Variants in ANKRD24 observed in about 807,000 individuals in gnomAD.
ANKRD24 encodes the protein ankyrin repeat domain 24.
Under a neutral mutation model 127.8 loss-of-function variants are expected in ANKRD24, and 109 were observed. The observed-to-expected ratio is 0.85, with a 90% CI of 0.73 to 1.00. The LOEUF (loss-of-function observed/expected upper bound fraction) is 1.00, where lower values mean the gene tolerates loss of function less well. Among genes scored for constraint, ANKRD24 ranks in the 50% least tolerant of loss-of-function variants. The probability of loss-of-function intolerance (pLI) is 0.00; values close to 1 mark genes in which losing one functional copy is unlikely to be tolerated. For missense variants in ANKRD24, 1,648 were observed against 1,570.2 expected (o/e 1.05, Z -0.84); for synonymous variants, 743 against 671.1 (o/e 1.11, Z -1.66).
chr19:4,204,261 C>T (rs1195975399), intron 7 of ANKRD24, among the ~76,000 whole-genome samples: 2 of 152,090 alleles, frequency 1.3e-5, no homozygotes, highest in East Asian at 3.9e-4. Context: ...ACCGTGCCGG[C>T]CCTTCTCCTT....
rs183887297 is a variant in ANKRD24 at position 4,190,153 on chromosome 19, A to T, written c.36+3692A>T. 2.0e-3 allele frequency among the ~76,000 whole-genome samples: 300 copies of T among 152,234 alleles called. 1 individual carries two copies. Among genetic ancestry groups the T allele is most frequent in the African/African-American group, 6.7e-3 (279 of 41,554 alleles). On this transcript the variant is annotated intron_variant, in intron 2 of 21. Coordinates refer to ENST00000318934, the MANE Select transcript of ANKRD24 (RefSeq NM_001393985.1). ...CCTGCACAGTCAAAAATCCATGTAT[A>T]GGCTGGGCGTGGTGGCTCACATCTG...
intron 20 of ANKRD24, among the ~76,000 whole-genome samples, chr19:4,223,071 G>A (rs1194894736): frequency 1.3e-5 from 2 of 151,794 alleles, no homozygotes; most frequent in African/African-American, 4.8e-5. Context: ...TTAGCGTCCT[G>A]CGTAGCTGGA....
Position 4,207,894 on chromosome 19 carries a change from A to C in ANKRD24, c.758A>C (p.Tyr253Ser), listed in dbSNP as rs1045886446. 2 of 1,558,974 alleles carry C rather than the reference A, an allele frequency of 1.3e-6. No individual in the cohort carries two copies. Among genetic ancestry groups the C allele is most frequent in the Non-Finnish European group, 1.7e-6 (2 of 1,154,282 alleles). Residue 253 changes from tyrosine (Y) to serine (S), a missense_variant, in exon 10 of 22, where the codon TAT (tyrosine) becomes TCT (serine). Tyr to Ser is a moderately radical substitution (Grantham distance 144). Coordinates refer to ENST00000318934, the MANE Select transcript of ANKRD24 (RefSeq NM_001393985.1). ...TDALGQDAAH[Y>S]GALAGDKLIL... is the part of the protein sequence containing the mutation. ...GCGCTGGGGCAGGACGCGGCTCACTATGGCGCCCTGGCGGGGGACAAACTC... is the reference window on the plus strand; with the variant it reads ...GCGCTGGGGCAGGACGCGGCTCACTCTGGCGCCCTGGCGGGGGACAAACTC...
chr19:4,198,553 G>T lies in ANKRD24; in HGVS notation c.37-1130G>T. 2 of 539,770 alleles carry T rather than the reference G, an allele frequency of 3.7e-6. No homozygotes were observed. The highest frequency in any genetic ancestry group is 6.6e-6 in the Non-Finnish European group (2 of 302,950). 33.4% of individuals were successfully genotyped at this position (539,770 alleles called of 1,614,324 possible). On this transcript the variant is annotated intron_variant, in intron 2 of 21. Coordinates refer to ENST00000318934, the MANE Select transcript of ANKRD24 (RefSeq NM_001393985.1). The surrounding 1 kb of genome is among the most constrained non-coding windows in gnomAD (Gnocchi z 6.1). ...TCGCGGTAGGGCCCGGGGAGGGGGC[G>T]CAGGAGCGGGCGGGGCGCGGGTACC...
chr19:4,182,922 C>T (rs1967811319), intron 1 of ANKRD24, among the ~76,000 whole-genome samples, 182 bp downstream of exon 1: 2 of 150,956 alleles, frequency 1.3e-5, no homozygotes, highest in Admixed American at 6.6e-5. Context: ...GGACCCCAGC[C>T]TAAGGGTTTT....
intron 2 of ANKRD24, among the ~76,000 whole-genome samples, chr19:4,190,941 T>C (rs1968350124): frequency 6.6e-6 from 1 of 152,190 alleles, no homozygotes; most frequent in Non-Finnish European, 1.5e-5. Context: ...TGTGGGTGGC[T>C]AAAAAAGAGA....
chr19:4,216,854 A>T lies in ANKRD24; in HGVS notation c.1694A>T (p.Glu565Val), dbSNP rs1164194769. 6.2e-7 allele frequency: 1 copy of T among 1,610,862 alleles called. No homozygotes were observed. The highest frequency in any genetic ancestry group is 8.5e-7 in the Non-Finnish European group (1 of 1,178,720). Residue 565 changes from glutamate to valine, a missense_variant, in exon 18 of 22, where the codon GAG (glutamate) becomes GTG (valine). Coordinates refer to ENST00000318934, the MANE Select transcript of ANKRD24 (RefSeq NM_001393985.1). ...AACGGAGCCGAGACCATAGATGAGG[A>T]GGCTGCAGGAGATGAAACCATGGAA... is the stretch of plus-strand genomic sequence containing the variant. ...KVNGAETIDEEAAGDETMEAR... is the reference protein window; with the variant it reads ...KVNGAETIDEVAAGDETMEAR...
chr19:4,210,943 C>T (rs1969703219), intron 13 of ANKRD24, among the ~76,000 whole-genome samples: 2 of 152,038 alleles, frequency 1.3e-5, no homozygotes, highest in African/African-American at 4.8e-5. Context: ...AAGCGATTCT[C>T]CTGCCTCAGT....
chr19:4,187,535 C>T (rs969528820), intron 2 of ANKRD24, among the ~76,000 whole-genome samples: 1 of 152,228 alleles, frequency 6.6e-6, no homozygotes, highest in Admixed American at 6.5e-5. Context: ...TCTTCTCTTG[C>T]ATCCGTGTCT....
chr19:4,223,552 T>A (rs1970581218), intron 20 of ANKRD24, among the ~76,000 whole-genome samples: 1 of 149,316 alleles, frequency 6.7e-6, no homozygotes, highest in African/African-American at 2.5e-5. Context: ...GGACTACAGG[T>A]GTGAGCCACC....
In ANKRD24 at chr19:4,218,287, A is replaced by AT. The variant is rs570371598; in HGVS notation, c.3003+127dup. The AT allele has an allele frequency of 3.0e-4, 177 of 598,096 alleles. No homozygotes were observed. The African/African-American group carries it at 3.2e-3, about 11-fold the overall frequency. 37.0% of individuals were successfully genotyped at this position (598,096 alleles called of 1,614,324 possible). The stretch of plus-strand genomic sequence containing the variant: ...TACTTGAACAGACCTACTTTATTTT[A>AT]TTTATTTATTTATTTATTTATTTAT... On this transcript the variant is annotated intron_variant, in intron 18 of 21. Coordinates refer to ENST00000318934, the MANE Select transcript of ANKRD24 (RefSeq NM_001393985.1).
At chr19:4,213,138 C>CA (rs946226609) in intron 15 of ANKRD24, among the ~76,000 whole-genome samples, 2 of 152,008 alleles carry the variant, frequency 1.3e-5, no homozygotes, top group African/African-American at 4.8e-5. Flanking sequence ...CTCAAACAAA[C>CA]AAACAGTCCC....
chr19:4,202,769 A>T, intron 6 of ANKRD24, 100 bp from the exon 7 acceptor site: 1 of 1,267,074 alleles, frequency 7.9e-7, no homozygotes, highest in Non-Finnish European at 1.1e-6. Flanking sequence ...CGGAAGGGTG[A>T]GGCTGAAGTA....
chr19:4,221,049 G>A (rs1415142827), intron 19 of ANKRD24, among the ~76,000 whole-genome samples: 1 of 151,652 alleles, frequency 6.6e-6, no homozygotes, highest in Non-Finnish European at 1.5e-5. Context: ...GGTTACAGGT[G>A]TGTGCCATCA....
Position 4,224,655 on chromosome 19 carries a change from C to A in ANKRD24, c.*150C>A. 15 of 730,810 alleles carry A rather than the reference C, an allele frequency of 2.1e-5. 1 individual carries two copies. In the South Asian group the frequency reaches 2.6e-4, roughly 12 times the overall value. 45.3% of individuals were successfully genotyped at this position (730,810 alleles called of 1,614,324 possible). A position where few individuals can be genotyped will look rare whatever the true frequency, so the allele number is the denominator to read the frequency against. Reference sequence around the variant, plus strand: ...CCAGCCTGGTTCCCTGCCCGACCACCCCCAGCTGGCTCCATCACCCCACCT... The same window carrying A: ...CCAGCCTGGTTCCCTGCCCGACCACACCCAGCTGGCTCCATCACCCCACCT... On this transcript the variant is annotated 3_prime_UTR_variant, in exon 22 of 22. Coordinates refer to ENST00000318934, the MANE Select transcript of ANKRD24 (RefSeq NM_001393985.1).
chr19:4,195,486 A>G lies in ANKRD24; in HGVS notation c.37-4197A>G, dbSNP rs1052024997. 1.3e-5 allele frequency among the ~76,000 whole-genome samples: 2 copies of G among 151,542 alleles called. No homozygotes were observed. Among genetic ancestry groups the G allele is most frequent in the African/African-American group, 4.9e-5 (2 of 41,192 alleles). ...TCTCTTCTCTGGAGAAGCTCAGAGG[A>G]CCTCCCCACCCCCAAGGGTGGAAGG... is the stretch of plus-strand genomic sequence containing the variant. On this transcript the variant is annotated intron_variant, in intron 2 of 21. Coordinates refer to ENST00000318934, the MANE Select transcript of ANKRD24 (RefSeq NM_001393985.1). The surrounding 1 kb of genome is among the most constrained non-coding windows in gnomAD (Gnocchi z 4.2).
At chr19:4,223,109 C>G (rs936734432) in intron 20 of ANKRD24, among the ~76,000 whole-genome samples, 5 of 151,982 alleles carry the variant, frequency 3.3e-5, no homozygotes, top group African/African-American at 1.2e-4. Context: ...CCACACCCAG[C>G]TAATTTTTGT....
At position 4,198,607 on chromosome 19, in the gene ANKRD24, C is replaced by T; in HGVS notation, c.37-1076C>T. On this transcript the variant is annotated intron_variant, in intron 2 of 21. Coordinates refer to ENST00000318934, the MANE Select transcript of ANKRD24 (RefSeq NM_001393985.1). This position sits in a 1 kb window ranked among gnomAD's most constrained non-coding sequence, Gnocchi z 6.1. Reference sequence around the variant, plus strand: ...TCTCCCCTCCCTTCCCCGTCCCCGGCTGACCTGGACCACCCCCCCATTCCA... The same window carrying T: ...TCTCCCCTCCCTTCCCCGTCCCCGGTTGACCTGGACCACCCCCCCATTCCA... 1 of 424,912 alleles carries T rather than the reference C, an allele frequency of 2.4e-6. No homozygotes were observed. The highest frequency in any genetic ancestry group is 4.2e-6 in the Non-Finnish European group (1 of 239,582). The allele number at this position is 424,912 out of a possible 1,614,324, so 26.3% of individuals were successfully genotyped here. A position where few individuals can be genotyped will look rare whatever the true frequency, so the allele number is the denominator to read the frequency against.
chr19:4,184,677 C>G (rs1234045635), intron 1 of ANKRD24, among the ~76,000 whole-genome samples: 1 of 152,170 alleles, frequency 6.6e-6, no homozygotes, highest in East Asian at 1.9e-4. Context: ...TCTTATTACC[C>G]CCTGCTTTGG....
Sources: gnomAD v4.1 joint callset for allele counts (sites outside exome capture counted in the v4.1 genomes callset) on GRCh38, gnomAD v4.1.1 for gene constraint, Gnocchi (gnomAD v3.1) non-coding constraint, MANE v1.5 for transcripts, NCBI Gene and HGNC (gene_info 2026-07-23, HGNC 2026-07-21) for gene names.